COPA: variants seen among roughly 807,000 people sequenced by gnomAD.
COPA encodes the protein coatomer subunit alpha.
A neutral mutation model predicts 158.7 loss-of-function variants in COPA; 10 were observed. That is an observed-to-expected ratio of 0.06 (90% CI 0.04 to 0.11). COPA has a LOEUF of 0.11. Ranked by LOEUF, COPA falls within the 10% of genes least tolerant of loss-of-function variation. The probability of loss-of-function intolerance (pLI) is 1.00; values close to 1 mark genes in which losing one functional copy is unlikely to be tolerated. For missense variants in COPA, 1,065 were observed against 1,536.7 expected (o/e 0.69, Z 5.13); for synonymous variants, 462 against 542.8 (o/e 0.85, Z 2.07).
At position 160,294,683 on chromosome 1, in the gene COPA, C is replaced by CCTGGAAGTCTGCAGAGCTA. The variant is rs1209966024; in HGVS notation, c.2566+66_2566+84dup. 3 of 1,593,410 alleles carry CCTGGAAGTCTGCAGAGCTA rather than the reference C, an allele frequency of 1.9e-6. No homozygotes were observed. In the East Asian group the frequency reaches 6.7e-5, roughly 36 times the overall value. On this transcript the variant is annotated intron_variant, in intron 24 of 32. Coordinates refer to ENST00000241704, the MANE Select transcript of COPA (RefSeq NM_004371.4). ...AAATCAATCCTAGTTCGTTTCATGGCCTGGAAGTCTGCAGAGCTACCCACA... is the reference window on the plus strand; with the variant it reads ...AAATCAATCCTAGTTCGTTTCATGGCCTGGAAGTCTGCAGAGCTACTGGAAGTCTGCAGAGCTACCCACA...
Position 160,289,841 on chromosome 1 carries a change from GTA to G in COPA, c.*314_*315del. 1 of 210,936 alleles carries G rather than the reference GTA, an allele frequency of 4.7e-6. No homozygotes were observed. The highest frequency in any genetic ancestry group is 9.4e-6 in the Non-Finnish European group (1 of 106,152). The allele number at this position is 210,936 out of a possible 1,614,324, so 13.1% of individuals were successfully genotyped here. On this transcript the variant is annotated 3_prime_UTR_variant, in exon 33 of 33. Transcript: ENST00000241704. ...CCTGGCCTCAGATGATCTGCCCACCGTAGCCTCCCAAAGTGCTGGGATTACAG... is the reference window on the plus strand; with the variant it reads ...CCTGGCCTCAGATGATCTGCCCACCGGCCTCCCAAAGTGCTGGGATTACAG...
chr1:160,340,307 GA>G lies in COPA; in HGVS notation c.41-14del. 1 of 1,561,764 alleles carries G rather than the reference GA, an allele frequency of 6.4e-7. No homozygotes were observed. The highest frequency in any genetic ancestry group is 2.2e-5 in the East Asian group (1 of 44,594). ...TGAAAGCTGAGCCCTGAAAAAAATA[GA>G]AAATGATACAATGAGCTAACTAAGC... On this transcript the variant is annotated splice_polypyrimidine_tract_variant and intron_variant, in intron 1 of 32. Coordinates refer to ENST00000241704, the MANE Select transcript of COPA (RefSeq NM_004371.4).
intron 13 of COPA, among the ~76,000 whole-genome samples, chr1:160,308,725 G>A (rs1441641664): frequency 6.6e-6 from 1 of 152,090 alleles, no homozygotes; most frequent in Admixed American, 6.6e-5. Flanking sequence ...GATGTGGATA[G>A]GACAGTATAA....
chr1:160,336,811 T>C (rs1647784941), intron 3 of COPA, among the ~76,000 whole-genome samples: 1 of 152,222 alleles, frequency 6.6e-6, no homozygotes, highest in Non-Finnish European at 1.5e-5. Flanking sequence ...TATAAAAATT[T>C]CATTTCCTAT....
chr1:160,313,140 G>T lies in COPA; in HGVS notation c.870C>A (p.Asp290Glu). The T allele has an allele frequency of 1.2e-6, 2 of 1,614,128 alleles. No individual in the cohort carries two copies. ...KRTGVQTFRR[D>E]HDRFWVLAAH... is the part of the protein sequence containing the mutation. ...CAGCTAGGACCCAGAAACGATCATG[G>T]TCTCTGCGGAAAGTCTGAACCCCAG... The change falls in exon 10 of 33, where the codon GAC becomes GAA. Residue 290 changes from aspartate to glutamate, a missense_variant. Transcript: ENST00000241704.
intron 6 of COPA, among the ~76,000 whole-genome samples, chr1:160,331,239 A>G (rs1461674976): frequency 2.0e-5 from 3 of 152,160 alleles, no homozygotes; most frequent in Non-Finnish European, 2.9e-5. Context: ...TCCTCTATAT[A>G]AGACTAAACA....
chr1:160,343,023 C>T, intron 1 of COPA, 108 bp downstream of exon 1: 1 of 1,339,784 alleles, frequency 7.5e-7, no homozygotes, highest in Non-Finnish European at 1.1e-6. Context: ...CCTCCGGGTC[C>T]GTCTGGTGGG....
chr1:160,304,701 A>C (rs547713431), intron 17 of COPA, among the ~76,000 whole-genome samples: 1 of 152,294 alleles, frequency 6.6e-6, no homozygotes, highest in South Asian at 2.1e-4. Flanking sequence ...AAATGTGAAG[A>C]TATGCATAAT....
Position 160,314,056 on chromosome 1 carries a change from G to A in COPA, c.776C>T (p.Pro259Leu). Residue 259 changes from proline (P) to leucine (L), a missense_variant, in exon 9 of 33, where the codon CCT (proline) becomes CTT (leucine). Around this residue, in one of 2 missense-constraint regions of COPA, gnomAD observed 980 missense variants for 1,357.8 expected, o/e 0.72. Transcript: ENST00000241704. ...ATTGCTGAGGATCAACTCTTGGCGA[G>A]GGTGGAAGACGGCACAAGATACATT... ...YNNVSCAVFH[P>L]RQELILSNSE... is the part of the protein sequence containing the mutation. The A allele has an allele frequency of 1.2e-6, 2 of 1,613,652 alleles. No homozygotes were observed. The highest frequency in any genetic ancestry group is 1.3e-5 in the African/African-American group (1 of 74,950).
intron 3 of COPA, 49 bp from the exon 4 acceptor site, chr1:160,335,371 A>T: frequency 8.2e-6 from 12 of 1,460,608 alleles, no homozygotes; most frequent in Non-Finnish European, 1.1e-5. Flanking sequence ...TTGAGCCTCT[A>T]AAAGGCTCAG....
intron 4 of COPA, 117 bp from the exon 5 acceptor site, chr1:160,333,796 G>T: frequency 1.5e-6 from 1 of 678,702 alleles, no homozygotes; most frequent in Non-Finnish European, 2.4e-6. Context: ...CATTAGCAAA[G>T]GGGCTGCTGC....
At chr1:160,313,954 A>G (rs1571165646) in intron 9 of COPA, 36 bp downstream of exon 9, 10 of 1,542,562 alleles carry the variant, frequency 6.5e-6, no homozygotes, top group Non-Finnish European at 8.8e-6. Context: ...AAGAGAGAGT[A>G]AGAGAAAGTT....
chr1:160,289,041 G>C lies in COPA; in HGVS notation c.*1116C>G, dbSNP rs1439015675. 6.6e-6 allele frequency among the ~76,000 whole-genome samples: 1 copy of C among 151,880 alleles called. No individual in the cohort carries two copies. The highest frequency in any genetic ancestry group is 1.5e-5 in the Non-Finnish European group (1 of 68,002). On this transcript the variant is annotated 3_prime_UTR_variant, in exon 33 of 33. Coordinates refer to ENST00000241704, the MANE Select transcript of COPA (RefSeq NM_004371.4). ...GCTGGAGTGCGGTGGCGCGATCTCA[G>C]CTTACTGCAACCTCCGCCTCCCGGG...
In COPA at chr1:160,343,230, G is replaced by C; in HGVS notation, c.-60C>G. On this transcript the variant is annotated 5_prime_UTR_variant, in exon 1 of 33. Coordinates refer to ENST00000241704, the MANE Select transcript of COPA (RefSeq NM_004371.4). Reference sequence around the variant, plus strand: ...GCCCCGACACACCCTGCTGCCCTTCGGACGCCTCCACGTCAGCGACCCTCT... The same window carrying C: ...GCCCCGACACACCCTGCTGCCCTTCCGACGCCTCCACGTCAGCGACCCTCT... 1 of 1,608,214 alleles carries C rather than the reference G, an allele frequency of 6.2e-7. No homozygotes were observed. The highest frequency in any genetic ancestry group is 1.1e-5 in the South Asian group (1 of 90,950).
At chr1:160,337,110 A>G (rs1167566019) in intron 3 of COPA, among the ~76,000 whole-genome samples, 1 of 149,978 alleles carries the variant, frequency 6.7e-6, no homozygotes, top group Non-Finnish European at 1.5e-5. Context: ...CTATTCTTTA[A>G]CTGACTTTTT....
intron 12 of COPA, 107 bp from the exon 13 acceptor site, chr1:160,309,283 T>C: frequency 1.2e-6 from 1 of 816,296 alleles, no homozygotes; most frequent in Non-Finnish European, 2.1e-6. Flanking sequence ...GACACCAATC[T>C]GAAACCATAC....
In COPA at chr1:160,332,508, T is replaced by C. The variant is rs57425682; in HGVS notation, c.436A>G (p.Thr146Ala). 16,480 of 1,613,416 alleles carry C rather than the reference T, an allele frequency of 0.01. 1,039 individuals carry two copies. The African/African-American group carries it at 0.16, about 16-fold the overall frequency. Residue 146 changes from threonine (T) to alanine (A), a missense_variant, in exon 6 of 33, where the codon ACA (threonine) becomes GCA (alanine). Around this residue, in one of 2 missense-constraint regions of COPA, gnomAD observed 980 missense variants for 1,357.8 expected, o/e 0.72. Coordinates refer to ENST00000241704, the MANE Select transcript of COPA (RefSeq NM_004371.4). ...HYVMCAQFHP[T>A]EDLVVSASLD... ...CTGGCTGATACTACCAAGTCTTCTG[T>C]GGGGTGGAACTGAGCACACATCACA...
In COPA at chr1:160,292,439, G is replaced by A. The variant is rs74125572; in HGVS notation, c.2960+45C>T. On this transcript the variant is annotated intron_variant, in intron 28 of 32. Transcript: ENST00000241704. ...CACTGAGGCTACCATCTGAAATATCGACCACAACTTGGAACAGATGAAAGC... is the reference window on the plus strand; with the variant it reads ...CACTGAGGCTACCATCTGAAATATCAACCACAACTTGGAACAGATGAAAGC... 6.3e-3 allele frequency: 10,103 copies of A among 1,610,136 alleles called. 522 individuals are homozygous for A. In the African/African-American group the frequency reaches 0.12, roughly 19 times the overall value.
intron 15 of COPA, 129 bp downstream of exon 15, chr1:160,306,225 A>G (rs541196646): frequency 1.0e-4 from 103 of 1,009,940 alleles, no homozygotes; most frequent in Non-Finnish European, 1.4e-4. Flanking sequence ...AAGTTACTAT[A>G]AAGAGTCTTG....
Sources: gnomAD v4.1 joint callset for allele counts (sites outside exome capture counted in the v4.1 genomes callset) on GRCh38, gnomAD v4.1.1 for gene constraint, gnomAD v4.1.1 regional missense constraint, MANE v1.5 for transcripts, NCBI Gene and HGNC (gene_info 2026-07-23, HGNC 2026-07-21) for gene names.